The following ITSN1 variants were observed in gnomAD, a reference collection of about 807,000 sequenced individuals.
ITSN1 encodes the protein intersectin 1, also known as intersectin-1.
In ITSN1, 58 loss-of-function variants were observed where a neutral mutation model predicts 239.8. The ratio of observed to expected loss-of-function variants is 0.24; its 90% CI spans 0.20 to 0.30. The LOEUF (loss-of-function observed/expected upper bound fraction) is 0.30, where lower values mean the gene tolerates loss of function less well. Ranked by LOEUF, ITSN1 falls within the 10% of genes least tolerant of loss-of-function variation. The pLI, the probability that ITSN1 is intolerant of heterozygous loss-of-function variation, is 1.00. For missense variants in ITSN1, 1,558 were observed against 2,103.3 expected (o/e 0.74, Z 5.07); for synonymous variants, 780 against 770.8 (o/e 1.01, Z -0.20).
intron 29 of ITSN1, chr21:33,837,798 G>T: frequency 2.0e-6 from 2 of 985,898 alleles, no homozygotes; most frequent in Non-Finnish European, 2.4e-6. Context: ...TTCGGTCTCA[G>T]ATTTATCTGG....
chr21:33,730,388 CTTTTTT>C lies in ITSN1; in HGVS notation c.186-4633_186-4628del, dbSNP rs71194863. 1.0e-4 allele frequency among the ~76,000 whole-genome samples: 5 copies of C among 49,366 alleles called. No homozygotes were observed. The East Asian group carries it at 2.0e-3, about 20-fold the overall frequency. The allele number at this position is 49,366 out of a possible 152,430, so 32.4% of individuals were successfully genotyped here. Reference sequence around the variant, plus strand: ...TAACCTGCTATAAATGCTCTCTGTTCTTTTTTTTTTTTTTTTTTTTTTTTTTTTCTG... The same window carrying C: ...TAACCTGCTATAAATGCTCTCTGTTCTTTTTTTTTTTTTTTTTTTTTTCTG... On this transcript the variant is annotated intron_variant, in intron 4 of 39. Transcript: ENST00000381318.
At chr21:33,798,353 G>C (rs945747031) in intron 18 of ITSN1, among the ~76,000 whole-genome samples, 1 of 151,742 alleles carries the variant, frequency 6.6e-6, no homozygotes, top group Non-Finnish European at 1.5e-5. Flanking sequence ...TCCCACCTTG[G>C]CCTTTCAGAG....
chr21:33,667,210 G>T (rs1193290883), intron 1 of ITSN1, among the ~76,000 whole-genome samples: 1 of 151,382 alleles, frequency 6.6e-6, no homozygotes, highest in Non-Finnish European at 1.5e-5. Flanking sequence ...ATATGATGGT[G>T]TAGTCTCTTT....
intron 22 of ITSN1, chr21:33,814,359 GA>G (rs1388817137): frequency 5.8e-6 from 2 of 344,096 alleles, no homozygotes; most frequent in East Asian, 5.0e-5. Context: ...GATCTTACTA[GA>G]AAATGGAGAG....
At chr21:33,673,453 T>G (rs1016544767) in intron 1 of ITSN1, among the ~76,000 whole-genome samples, 1 of 152,246 alleles carries the variant, frequency 6.6e-6, no homozygotes, top group Non-Finnish European at 1.5e-5. Context: ...CATTTCACTG[T>G]GTATATGTAT....
intron 33 of ITSN1, among the ~76,000 whole-genome samples, chr21:33,871,320 C>T (rs1236417341): frequency 6.6e-6 from 1 of 151,818 alleles, no homozygotes. Context: ...AAAAGCAACA[C>T]TAAACTCACT....
chr21:33,733,069 A>C (rs113464490), intron 4 of ITSN1, among the ~76,000 whole-genome samples: 6 of 152,290 alleles, frequency 3.9e-5, no homozygotes, highest in African/African-American at 1.4e-4. Flanking sequence ...TAACAGATAA[A>C]ATAATCTAAA....
chr21:33,648,139 T>C (rs1568832435), intron 1 of ITSN1, among the ~76,000 whole-genome samples: 1 of 152,254 alleles, frequency 6.6e-6, no homozygotes, highest in Non-Finnish European at 1.5e-5. Flanking sequence ...CTAGTGAATT[T>C]TTGCTTTTAG....
intron 22 of ITSN1, among the ~76,000 whole-genome samples, chr21:33,816,149 C>T (rs1449380018): frequency 2.0e-5 from 3 of 151,626 alleles, no homozygotes; most frequent in Non-Finnish European, 4.4e-5. Flanking sequence ...GCTGAGATCA[C>T]ACCACTGCAC....
At chr21:33,729,578 T>TA (rs1569041039) in intron 4 of ITSN1, among the ~76,000 whole-genome samples, 1 of 151,908 alleles carries the variant, frequency 6.6e-6, no homozygotes, top group East Asian at 1.9e-4. Context: ...CGGGAGGAAA[T>TA]AAGCACAGAA....
chr21:33,667,835 G>A (rs180707424), intron 1 of ITSN1, among the ~76,000 whole-genome samples: 10 of 152,262 alleles, frequency 6.6e-5, no homozygotes, highest in East Asian at 1.9e-4. Flanking sequence ...ATGTATGTGT[G>A]AAGTTCCCAT....
intron 28 of ITSN1, among the ~76,000 whole-genome samples, chr21:33,835,624 A>G (rs1445926505): frequency 6.6e-6 from 1 of 152,206 alleles, no homozygotes; most frequent in African/African-American, 2.4e-5. Flanking sequence ...CAGCAGCAGA[A>G]AAATCTTTTG....
At chr21:33,844,195 G>A (rs1173066822) in intron 29 of ITSN1, among the ~76,000 whole-genome samples, 3 of 152,140 alleles carry the variant, frequency 2.0e-5, no homozygotes, top group Non-Finnish European at 2.9e-5. Flanking sequence ...CTTTTTAAAC[G>A]CCTTCGCTGC....
chr21:33,727,607 C>CAAAAAA (rs201596116), intron 4 of ITSN1, among the ~76,000 whole-genome samples: 2 of 69,756 alleles, frequency 2.9e-5, no homozygotes. Flanking sequence ...TAAACTCATA[C>CAAAAAA]AAAAAAAAAA....
chr21:33,830,861 A>G (rs551694264), intron 27 of ITSN1, among the ~76,000 whole-genome samples: 6 of 145,264 alleles, frequency 4.1e-5, no homozygotes, highest in African/African-American at 1.3e-4. Flanking sequence ...GCAACTTGCA[A>G]TCAGATGAAT....
At chr21:33,651,475 A>AT (rs1364860391) in intron 1 of ITSN1, among the ~76,000 whole-genome samples, 2 of 152,178 alleles carry the variant, frequency 1.3e-5, no homozygotes, top group African/African-American at 2.4e-5. Flanking sequence ...GGTCTCAGGA[A>AT]TGGTTTGAGA....
chr21:33,719,768 A>G (rs141896371), intron 2 of ITSN1, among the ~76,000 whole-genome samples: 1 of 152,234 alleles, frequency 6.6e-6, no homozygotes, highest in Non-Finnish European at 1.5e-5. Context: ...TAAACTAAAC[A>G]TAAGTTTGAA....
intron 11 of ITSN1, among the ~76,000 whole-genome samples, chr21:33,768,915 C>G (rs79829507): frequency 6.6e-6 from 1 of 152,200 alleles, no homozygotes; most frequent in Non-Finnish European, 1.5e-5. Flanking sequence ...TTCATACTTT[C>G]TAGAACCTTT....
rs945405775 is a variant in ITSN1, at chr21:33,829,664, C to T, written c.3270C>T (p.Pro1090=). 8 of 1,612,474 alleles carry T rather than the reference C, an allele frequency of 5.0e-6. No homozygotes were observed. The highest frequency in any genetic ancestry group is 2.2e-5 in the South Asian group (2 of 90,994). The change falls in exon 27 of 40, where the codon CCC becomes CCT. Residue 1090 remains proline, a synonymous_variant. Transcript: ENST00000381318. ...TTGCCTCATACACCGCCACCGGCCC[C>T]GAGCAGCTCACTCTCGCCCCTGGTC... is the stretch of plus-strand genomic sequence containing the variant. The part of the protein sequence containing the change: ...QVIASYTATG[P]EQLTLAPGQL...
Sources: allele counts gnomAD v4.1 joint callset (sites outside exome capture counted in the v4.1 genomes callset), GRCh38; gene constraint gnomAD v4.1.1; transcripts MANE v1.5; gene names NCBI Gene and HGNC (gene_info 2026-07-23, HGNC 2026-07-21).